CEP85L: variants seen among roughly 807,000 people sequenced by gnomAD.
CEP85L encodes centrosomal protein of 85 kDa-like.
In CEP85L, 60 loss-of-function variants were observed where a neutral mutation model predicts 100.3. The ratio of observed to expected loss-of-function variants is 0.60; its 90% confidence interval spans 0.49 to 0.74. CEP85L has a LOEUF of 0.74. Ranked by LOEUF, CEP85L falls within the 30% of genes least tolerant of loss-of-function variation. The pLI is 0.00. For missense variants in CEP85L, 973 were observed against 936.2 expected (o/e 1.04, Z -0.51); for synonymous variants, 319 against 322.7 (o/e 0.99, Z 0.12).
Position 118,635,831 on chromosome 6 carries a change from A to T in CEP85L, c.74-3220T>A, listed in dbSNP as rs537973123. Among the ~76,000 whole-genome samples the T allele has an allele frequency of 8.8e-4, 134 of 151,790 alleles. 1 individual carries two copies. In the Middle Eastern group the frequency reaches 0.01, roughly 12 times the overall value. On this transcript the variant is annotated intron_variant, in intron 1 of 12. Transcript: ENST00000368491. ...AAAGGCAATAATCATTCTCTCTCTC[A>T]CTCTCTCTCCACTCACTCACTTTCT...
At chr6:118,585,068 TA>T (rs1209980458) in intron 2 of CEP85L, among the ~76,000 whole-genome samples, 1 of 152,174 alleles carries the variant, frequency 6.6e-6, no homozygotes, top group Non-Finnish European at 1.5e-5. Flanking sequence ...AGCTCTTTTG[TA>T]GAACAAGGAA....
At chr6:118,651,725 G>A, upstream of CEP85L, 1 of 984,588 alleles carries the variant, frequency 1.0e-6, no homozygotes, top group Non-Finnish European at 1.2e-6. Context: ...GGGGGCGGGT[G>A]AGCTACCCCG....
At chr6:118,516,532 G>C (rs1488145316) in intron 4 of CEP85L, among the ~76,000 whole-genome samples, 1 of 151,998 alleles carries the variant, frequency 6.6e-6, no homozygotes, top group Non-Finnish European at 1.5e-5. Context: ...CACGTTTGTT[G>C]GCCATATAAA....
intron 1 of CEP85L, among the ~76,000 whole-genome samples, chr6:118,709,556 T>TGTGTGTGAGA (rs751698371): frequency 3.5e-5 from 5 of 142,324 alleles, no homozygotes; most frequent in Middle Eastern, 3.5e-3. Flanking sequence ...TGTGTGTGTG[T>TGTGTGTGAGA]GAGAGAGAGA....
intron 6 of CEP85L, among the ~76,000 whole-genome samples, chr6:118,490,380 A>G (rs891340930): frequency 2.0e-5 from 3 of 152,218 alleles, no homozygotes; most frequent in Non-Finnish European, 2.9e-5. Context: ...GGATGGCATA[A>G]ATTAGTTTTA....
At chr6:118,631,114 T>C (rs1430557015) in intron 2 of CEP85L, among the ~76,000 whole-genome samples, 6 of 152,102 alleles carry the variant, frequency 3.9e-5, no homozygotes, top group Admixed American at 3.9e-4. Flanking sequence ...GTAACAAATA[T>C]ACTACACTAG....
Position 118,601,988 on chromosome 6 carries a change from C to A in CEP85L, c.232+30465G>T, listed in dbSNP as rs182328808. ...GGGAATGCAGCCCAGTAGGTTTCAG[C>A]CTCATTTTACCCAGCTCCTGTTTAA... On this transcript the variant is annotated intron_variant, in intron 2 of 12. Coordinates refer to ENST00000368491, the MANE Select transcript of CEP85L (RefSeq NM_001042475.3). Among the ~76,000 whole-genome samples, 536 of 152,272 alleles carry A rather than the reference C, an allele frequency of 3.5e-3. 1 individual carries two copies. Among genetic ancestry groups the A allele is most frequent in the Non-Finnish European group, 4.1e-3 (277 of 68,022 alleles).
At chr6:118,530,800 G>A (rs1433896842) in intron 3 of CEP85L, among the ~76,000 whole-genome samples, 1 of 151,316 alleles carries the variant, frequency 6.6e-6, no homozygotes, top group African/African-American at 2.4e-5. Flanking sequence ...ACTAACTAGG[G>A]AAGTAAAAGA....
intron 4 of CEP85L, among the ~76,000 whole-genome samples, chr6:118,516,470 T>C (rs1383150725): frequency 6.6e-6 from 1 of 152,244 alleles, no homozygotes; most frequent in Non-Finnish European, 1.5e-5. Context: ...TGGTATCTCA[T>C]TGTGGTTTTG....
At chr6:118,578,586 G>A (rs1780380463) in intron 2 of CEP85L, among the ~76,000 whole-genome samples, 1 of 152,058 alleles carries the variant, frequency 6.6e-6, no homozygotes, top group African/African-American at 2.4e-5. Flanking sequence ...AAAATTAGCT[G>A]GGCGTGGTGG....
At chr6:118,659,950 G>A (rs1310040490) in intron 1 of CEP85L, among the ~76,000 whole-genome samples, 1 of 152,152 alleles carries the variant, frequency 6.6e-6, no homozygotes, top group African/African-American at 2.4e-5. Context: ...TTTGATTTTG[G>A]GTGTTACCAC....
intron 3 of CEP85L, among the ~76,000 whole-genome samples, chr6:118,556,101 C>T (rs1336708845): frequency 6.6e-6 from 1 of 152,160 alleles, no homozygotes; most frequent in African/African-American, 2.4e-5. Flanking sequence ...AATAGTGCTG[C>T]AATGAATATT....
At position 118,565,643 on chromosome 6, in the gene CEP85L, C is replaced by T; in HGVS notation, c.906G>A (p.Glu302=). 2 of 1,614,180 alleles carry T rather than the reference C, an allele frequency of 1.2e-6. No individual in the cohort carries two copies. The highest frequency in any genetic ancestry group is 1.1e-5 in the South Asian group (1 of 91,088). The change falls in exon 3 of 13, where the codon GAG becomes GAA. Residue 302 remains glutamate, a synonymous_variant. Coordinates refer to ENST00000368491, the MANE Select transcript of CEP85L (RefSeq NM_001042475.3). ...PSVRTQMWLT[E]QLRTNPLEGR... ...CTTCCAAAGGATTTGTCCGCAGCTG[C>T]TCTGTAAGCCACATCTGAGTCCTTA...
chr6:118,660,795 C>G (rs187139178), intron 1 of CEP85L, among the ~76,000 whole-genome samples: 2 of 152,212 alleles, frequency 1.3e-5, no homozygotes, highest in African/African-American at 4.8e-5. Flanking sequence ...TAACTCTCAC[C>G]TTGAGTTCTC....
chr6:118,686,983 T>C (rs1776855287), intron 1 of CEP85L, among the ~76,000 whole-genome samples: 1 of 152,198 alleles, frequency 6.6e-6, no homozygotes, highest in African/African-American at 2.4e-5. Context: ...CATGTTTCAC[T>C]TTATCTCGTA....
At chr6:118,690,868 A>G (rs1488290757) in intron 1 of CEP85L, among the ~76,000 whole-genome samples, 1 of 151,324 alleles carries the variant, frequency 6.6e-6, no homozygotes, top group Non-Finnish European at 1.5e-5. Context: ...CATAGTGGTG[A>G]CTCTCTGTGG....
chr6:118,597,788 A>G (rs1414595101), intron 2 of CEP85L, among the ~76,000 whole-genome samples: 5 of 152,208 alleles, frequency 3.3e-5, no homozygotes, highest in Non-Finnish European at 5.9e-5. Context: ...TTCTTCAGCT[A>G]GCCATTGTCA....
intron 12 of CEP85L, among the ~76,000 whole-genome samples, chr6:118,465,784 C>T (rs1217928000): frequency 6.6e-6 from 1 of 152,084 alleles, no homozygotes; most frequent in Non-Finnish European, 1.5e-5. Flanking sequence ...GAATTAAATG[C>T]ACACAGTGAT....
intron 4 of CEP85L, among the ~76,000 whole-genome samples, chr6:118,518,112 T>C (rs1382459244): frequency 6.6e-6 from 1 of 152,184 alleles, no homozygotes; most frequent in Non-Finnish European, 1.5e-5. Flanking sequence ...CTTTTTGATG[T>C]GCTGCTGGAT....
Sources: allele counts gnomAD v4.1 joint callset (sites outside exome capture counted in the v4.1 genomes callset), GRCh38; gene constraint gnomAD v4.1.1; transcripts MANE v1.5; gene names NCBI Gene and HGNC (gene_info 2026-07-23, HGNC 2026-07-21).